The following PPP2R5E variants were observed in gnomAD, a reference collection of about 807,000 sequenced individuals.
The protein encoded by PPP2R5E is protein phosphatase 2 regulatory subunit B'epsilon.
A neutral mutation model predicts 65.3 loss-of-function variants in PPP2R5E; 4 were observed. That is an observed-to-expected ratio of 0.06 (90% CI 0.03 to 0.14). The LOEUF (loss-of-function observed/expected upper bound fraction) is 0.14. Among genes scored for constraint, PPP2R5E ranks in the 10% least tolerant of loss-of-function variants. The pLI, the probability that PPP2R5E is intolerant of heterozygous loss-of-function variation, is 1.00. For missense variants in PPP2R5E, 274 were observed against 556.1 expected, an observed-to-expected ratio of 0.49 and a Z score of 5.10; for synonymous variants, 183 against 187.4, an observed-to-expected ratio of 0.98 and a Z score of 0.19.
intron 2 of PPP2R5E, among the ~76,000 whole-genome samples, chr14:63,513,290 G>A (rs4902233): frequency 3.3e-5 from 5 of 151,966 alleles, no homozygotes; most frequent in South Asian, 2.1e-4. Flanking sequence ...ACACTGCATC[G>A]CCCTCAAGTA....
Position 63,375,531 on chromosome 14 carries a change from G to A in PPP2R5E, c.*478C>T, listed in dbSNP as rs752653799. The A allele has an allele frequency of 2.0e-5, 3 of 152,620 alleles. No homozygotes were observed. Among genetic ancestry groups the A allele is most frequent in the Admixed American group, 6.5e-5 (1 of 15,274 alleles). The allele number at this position is 152,620 out of a possible 1,614,324, so 9.5% of individuals were successfully genotyped here. On this transcript the variant is annotated 3_prime_UTR_variant, in exon 14 of 14. Transcript: ENST00000337537. ...GAAAAAGATGTTAAATTACAGTCAA[G>A]TTATCCAGAGGAGGATGTTACACAA...
intron 2 of PPP2R5E, among the ~76,000 whole-genome samples, chr14:63,504,779 TA>T (rs1892078111): frequency 6.6e-6 from 1 of 152,034 alleles, no homozygotes; most frequent in Admixed American, 6.6e-5. Flanking sequence ...CCCCAGGGCA[TA>T]GCATAAAATA....
intron 3 of PPP2R5E, among the ~76,000 whole-genome samples, chr14:63,423,492 C>T (rs906054208): frequency 6.6e-6 from 1 of 152,136 alleles, no homozygotes; most frequent in Non-Finnish European, 1.5e-5. Flanking sequence ...GCCCCACTCA[C>T]CCACTCATCT....
Position 63,491,236 on chromosome 14 carries a change from C to T in PPP2R5E, c.158-37351G>A, listed in dbSNP as rs986046205. 1.2e-4 allele frequency among the ~76,000 whole-genome samples: 15 copies of T among 122,632 alleles called. 1 individual carries two copies. Among genetic ancestry groups the T allele is most frequent in the Admixed American group, 5.2e-4 (7 of 13,578 alleles). 80.5% of individuals were successfully genotyped at this position (122,632 alleles called of 152,430 possible). ...CACTGGGGACTTTAGAAGGGGGAAG[C>T]CAGGTGGCAAGGGTTGAAAAACTAC... On this transcript the variant is annotated intron_variant, in intron 2 of 13. Transcript: ENST00000337537.
intron 2 of PPP2R5E, among the ~76,000 whole-genome samples, chr14:63,501,288 C>T (rs1891866500): frequency 6.6e-6 from 1 of 151,936 alleles, no homozygotes; most frequent in Non-Finnish European, 1.5e-5. Flanking sequence ...GCCTGTAGTC[C>T]CAGCTACTCA....
intron 13 of PPP2R5E, among the ~76,000 whole-genome samples, chr14:63,380,618 C>T (rs1373406001): frequency 1.3e-5 from 2 of 151,634 alleles, no homozygotes; most frequent in South Asian, 2.1e-4. Context: ...GCTGAGATCG[C>T]GCCACTGCAC....
intron 2 of PPP2R5E, among the ~76,000 whole-genome samples, chr14:63,460,889 C>T (rs1163334551): frequency 6.6e-6 from 1 of 152,116 alleles, no homozygotes; most frequent in Non-Finnish European, 1.5e-5. Flanking sequence ...CACACGCACA[C>T]ATACACACAT....
intron 5 of PPP2R5E, among the ~76,000 whole-genome samples, chr14:63,397,521 AAAAAAAAAAG>A (rs1199562347): frequency 2.0e-5 from 3 of 149,404 alleles, no homozygotes; most frequent in Non-Finnish European, 3.0e-5. Flanking sequence ...AAAAAAAAAA[AAAAAAAAAAG>A]GATAAGCCTT....
chr14:63,402,465 A>G (rs1885809741), intron 5 of PPP2R5E, among the ~76,000 whole-genome samples: 1 of 152,214 alleles, frequency 6.6e-6, no homozygotes, highest in Non-Finnish European at 1.5e-5. Flanking sequence ...ACAACAAACA[A>G]TTATAAGGAA....
rs1409426456 is a variant in PPP2R5E, at chr14:63,374,728, T to C, written c.*1281A>G. The stretch of plus-strand genomic sequence containing the variant: ...TTTTTCTTAAACAATTTGGTCACGA[T>C]GCACCTTTGATATAAAAGCATTTTT... On this transcript the variant is annotated 3_prime_UTR_variant, in exon 14 of 14. Transcript: ENST00000337537. The C allele has an allele frequency of 6.7e-6, 1 of 149,066 alleles. No homozygotes were observed. The highest frequency in any genetic ancestry group is 1.9e-4 in the East Asian group (1 of 5,150). 9.2% of individuals were successfully genotyped at this position (149,066 alleles called of 1,614,324 possible).
intron 2 of PPP2R5E, among the ~76,000 whole-genome samples, chr14:63,531,485 GAAAA>G (rs1555369615): frequency 1.7e-5 from 2 of 120,006 alleles, no homozygotes; most frequent in African/African-American, 8.6e-5. Flanking sequence ...AAATTAAAAA[GAAAA>G]AAAAAAATAA....
chr14:63,493,559 G>A (rs1891394357), intron 2 of PPP2R5E, among the ~76,000 whole-genome samples: 1 of 152,000 alleles, frequency 6.6e-6, no homozygotes, highest in Non-Finnish European at 1.5e-5. Flanking sequence ...CATTGGTAGA[G>A]AGCAAAAACA....
chr14:63,471,052 A>C (rs1322599361), intron 2 of PPP2R5E, among the ~76,000 whole-genome samples: 1 of 152,226 alleles, frequency 6.6e-6, no homozygotes, highest in East Asian at 1.9e-4. Context: ...GGGCAAGTTC[A>C]AGAGAGACCA....
chr14:63,500,295 T>C (rs1891801863), intron 2 of PPP2R5E, among the ~76,000 whole-genome samples: 1 of 151,990 alleles, frequency 6.6e-6, no homozygotes, highest in Non-Finnish European at 1.5e-5. Flanking sequence ...TAGATTTATT[T>C]TGACTTTAAC....
chr14:63,383,473 G>A (rs1284783311), intron 12 of PPP2R5E, among the ~76,000 whole-genome samples: 3 of 152,180 alleles, frequency 2.0e-5, no homozygotes, highest in Non-Finnish European at 4.4e-5. Flanking sequence ...GTAGTATACT[G>A]AGTAGTTACA....
chr14:63,458,481 A>G (rs1170877156), intron 2 of PPP2R5E, among the ~76,000 whole-genome samples: 1 of 152,110 alleles, frequency 6.6e-6, no homozygotes. Flanking sequence ...GTACTCTGGG[A>G]CTCCGATCAA....
chr14:63,485,551 A>C (rs1195328024), intron 2 of PPP2R5E, among the ~76,000 whole-genome samples: 1 of 152,008 alleles, frequency 6.6e-6, no homozygotes, highest in African/African-American at 2.4e-5. Context: ...AGTAGCTGGG[A>C]TTACAGGCAT....
At chr14:63,389,951 T>C (rs1041595368) in intron 10 of PPP2R5E, among the ~76,000 whole-genome samples, 6 of 152,248 alleles carry the variant, frequency 3.9e-5, no homozygotes, top group Non-Finnish European at 8.8e-5. Flanking sequence ...AAAAATACTC[T>C]ACTTGGTATA....
intron 3 of PPP2R5E, among the ~76,000 whole-genome samples, chr14:63,422,768 G>A (rs1418893574): frequency 6.8e-6 from 1 of 147,836 alleles, no homozygotes; most frequent in Non-Finnish European, 1.5e-5. Context: ...AACTGGTAAT[G>A]GGCTTCATGT....
Sources: allele counts gnomAD v4.1 joint callset (sites outside exome capture counted in the v4.1 genomes callset), GRCh38; gene constraint gnomAD v4.1.1; transcripts MANE v1.5; gene names NCBI Gene and HGNC (gene_info 2026-07-23, HGNC 2026-07-21).